GLIS3: variants seen among roughly 807,000 people sequenced by gnomAD.
The protein encoded by GLIS3 is zinc finger protein GLIS3.
A neutral mutation model predicts 78.6 loss-of-function variants in GLIS3; 53 were observed. The observed-to-expected ratio is 0.67, with a 90% CI of 0.54 to 0.85. GLIS3 has a LOEUF of 0.85. Among genes scored for constraint, GLIS3 ranks in the 40% least tolerant of loss-of-function variants. The pLI, the probability that GLIS3 is intolerant of heterozygous loss-of-function variation, is 0.00. For synonymous variants in GLIS3, 684 were observed against 509.9 expected (o/e 1.34, Z -4.60); for missense variants, 1,703 against 1,231.1 (o/e 1.38, Z -5.74).
intron 2 of GLIS3, among the ~76,000 whole-genome samples, chr9:4,139,147 C>G (rs1184381477): frequency 6.6e-6 from 1 of 152,128 alleles, no homozygotes; most frequent in Non-Finnish European, 1.5e-5. Flanking sequence ...ATACTAGATT[C>G]AGAACCTTTC....
chr9:3,855,006 G>A (rs1819673614), intron 9 of GLIS3, among the ~76,000 whole-genome samples: 1 of 152,224 alleles, frequency 6.6e-6, no homozygotes, highest in South Asian at 2.1e-4. Flanking sequence ...TCAGGCATCA[G>A]CAAGAGGCAG....
chr9:4,302,500 T>G (rs1292407694), upstream of GLIS3, among the ~76,000 whole-genome samples: 1 of 152,218 alleles, frequency 6.6e-6, no homozygotes, highest in Non-Finnish European at 1.5e-5. Context: ...TACAGAAAAC[T>G]TTTTGCCCAG....
chr9:3,966,876 T>C (rs1817975377), intron 4 of GLIS3, among the ~76,000 whole-genome samples: 1 of 151,936 alleles, frequency 6.6e-6, no homozygotes, highest in Admixed American at 6.6e-5. Flanking sequence ...CAATGATTTT[T>C]TAGTAAATTA....
chr9:4,197,322 G>A (rs533620949), intron 2 of GLIS3, among the ~76,000 whole-genome samples: 3 of 152,144 alleles, frequency 2.0e-5, no homozygotes, highest in Admixed American at 6.5e-5. Flanking sequence ...CCACTTGCCT[G>A]GATCAGTAGC....
chr9:4,005,409 T>C (rs927346055), intron 4 of GLIS3, among the ~76,000 whole-genome samples: 4 of 152,202 alleles, frequency 2.6e-5, no homozygotes, highest in Non-Finnish European at 5.9e-5. Context: ...GATACATGTA[T>C]ATTCATACTC....
At chr9:3,860,420 C>A (rs544110768) in intron 8 of GLIS3, among the ~76,000 whole-genome samples, 5 of 152,148 alleles carry the variant, frequency 3.3e-5, no homozygotes, top group Non-Finnish European at 7.4e-5. Flanking sequence ...CCCTTCTATG[C>A]CCTTCTCCAT....
chr9:4,489,829 G>C, the GLIS3 span, among the ~76,000 whole-genome samples: 1 of 152,168 alleles, frequency 6.6e-6, no homozygotes, highest in South Asian at 2.1e-4. Flanking sequence ...CCTTGTGCAG[G>C]GAACACTCCC....
intron 2 of GLIS3, among the ~76,000 whole-genome samples, chr9:4,250,564 C>T (rs541025220): frequency 2.5e-4 from 37 of 146,282 alleles, no homozygotes; most frequent in African/African-American, 8.9e-4. Context: ...AAAAACCTAG[C>T]TCCCGTATTC....
chr9:4,149,715 TTTG>T (rs1468737684), intron 2 of GLIS3, among the ~76,000 whole-genome samples: 1 of 152,168 alleles, frequency 6.6e-6, no homozygotes, highest in Non-Finnish European at 1.5e-5. Context: ...ATGAAATTCA[TTTG>T]TTATCTCACT....
intron 9 of GLIS3, among the ~76,000 whole-genome samples, chr9:3,845,500 A>G (rs1326914756): frequency 2.0e-5 from 3 of 152,216 alleles, no homozygotes; most frequent in Non-Finnish European, 4.4e-5. Context: ...GACTTAAACT[A>G]TAAGTTTCAG....
intron 4 of GLIS3, among the ~76,000 whole-genome samples, chr9:4,105,632 C>A (rs1198191804): frequency 6.6e-6 from 1 of 152,160 alleles, no homozygotes; most frequent in East Asian, 1.9e-4. Context: ...ACTCTGTGGT[C>A]TAGTGACATT....
chr9:4,262,962 C>G (rs1181218925), intron 2 of GLIS3, among the ~76,000 whole-genome samples: 1 of 148,848 alleles, frequency 6.7e-6, no homozygotes, highest in Non-Finnish European at 1.5e-5. Flanking sequence ...AAAAATCCCA[C>G]AGCCTCTCCA....
At chr9:4,146,324 T>C (rs1460610890) in intron 2 of GLIS3, among the ~76,000 whole-genome samples, 1 of 152,344 alleles carries the variant, frequency 6.6e-6, no homozygotes, top group East Asian at 1.9e-4. Context: ...AGAAATTTGA[T>C]AATTTATTCC....
At chr9:4,469,788 A>G in the GLIS3 span, among the ~76,000 whole-genome samples, 3 of 152,222 alleles carry the variant, frequency 2.0e-5, no homozygotes, top group East Asian at 1.9e-4. Context: ...CTAAGATCAG[A>G]GCAGAATTGA....
chr9:3,869,207 T>C (rs895156560), intron 8 of GLIS3, among the ~76,000 whole-genome samples: 2 of 152,166 alleles, frequency 1.3e-5, no homozygotes, highest in East Asian at 1.9e-4. Flanking sequence ...ATATTTGATA[T>C]GATGTATATG....
chr9:3,925,316 T>C (rs1460318093), intron 6 of GLIS3, among the ~76,000 whole-genome samples: 1 of 152,182 alleles, frequency 6.6e-6, no homozygotes, highest in Non-Finnish European at 1.5e-5. Flanking sequence ...GTGTGTCTCT[T>C]GTTAGAATGT....
At chr9:4,220,962 G>C (rs1030658687) in intron 2 of GLIS3, among the ~76,000 whole-genome samples, 40 of 152,056 alleles carry the variant, frequency 2.6e-4, no homozygotes, top group African/African-American at 9.7e-4. Context: ...TCCAGCCTGG[G>C]TTACACAGCA....
intron 4 of GLIS3, among the ~76,000 whole-genome samples, chr9:3,963,677 G>A (rs924333967): frequency 5.9e-5 from 9 of 152,094 alleles, no homozygotes; most frequent in African/African-American, 2.2e-4. Flanking sequence ...GTTAACTTCT[G>A]CTTTGTTCTT....
At chr9:4,022,529 AG>A (rs554996200) in intron 4 of GLIS3, among the ~76,000 whole-genome samples, 7 of 152,220 alleles carry the variant, frequency 4.6e-5, no homozygotes, top group Non-Finnish European at 8.8e-5. Flanking sequence ...TTCCCTAAAA[AG>A]TTAAACATAA....
Sources: allele counts gnomAD v4.1 joint callset (sites outside exome capture counted in the v4.1 genomes callset), GRCh38; gene constraint gnomAD v4.1.1; transcripts MANE v1.5; gene names NCBI Gene and HGNC (gene_info 2026-07-23, HGNC 2026-07-21).